Variants in GPR161 observed in about 807,000 individuals in gnomAD.
The protein encoded by GPR161 is G protein-coupled receptor 161.
Under a neutral mutation model 39.2 loss-of-function variants are expected in GPR161, and 25 were observed. The observed-to-expected ratio is 0.64, with a 90% CI of 0.47 to 0.89. The LOEUF (loss-of-function observed/expected upper bound fraction) is 0.89. Ranked by LOEUF, GPR161 falls within the 40% of genes least tolerant of loss-of-function variation. The pLI is 0.00. For synonymous variants in GPR161, 286 were observed against 276.6 expected (o/e 1.03, Z -0.34); for missense variants, 547 against 677.8 (o/e 0.81, Z 2.14).
intron 1 of GPR161, chr1:168,136,189 G>A (rs1022239800): frequency 7.1e-6 from 9 of 1,269,552 alleles, no homozygotes; most frequent in Non-Finnish European, 9.0e-6. Context: ...TTCTGGGCGC[G>A]CCACCCGCCG....
chr1:168,104,914 C>T lies in GPR161; in HGVS notation c.-44-20G>A. The T allele has an allele frequency of 1.3e-6, 2 of 1,577,404 alleles. No individual in the cohort carries two copies. Among genetic ancestry groups the T allele is most frequent in the African/African-American group, 1.3e-5 (1 of 74,098 alleles). ...GGACGACTGGAAAGATAAGGCAGGA[C>T]CAGGGGACAGGAAAAGATTCATCAA... On this transcript the variant is annotated intron_variant, in intron 1 of 5. Transcript: ENST00000682931.
intron 1 of GPR161, among the ~76,000 whole-genome samples, chr1:168,107,863 C>G (rs1434692194): frequency 1.3e-5 from 2 of 152,184 alleles, no homozygotes; most frequent in Non-Finnish European, 2.9e-5. Flanking sequence ...ATTGGGGAAA[C>G]AGGCACTCTC....
intron 1 of GPR161, among the ~76,000 whole-genome samples, chr1:168,115,189 T>A (rs571273719): frequency 1.3e-5 from 2 of 152,306 alleles, no homozygotes; most frequent in African/African-American, 4.8e-5. Context: ...CAAATGCTGA[T>A]GAAAGGACTT....
chr1:168,130,684 A>G (rs752322618), intron 1 of GPR161, among the ~76,000 whole-genome samples: 2 of 152,090 alleles, frequency 1.3e-5, no homozygotes, highest in Non-Finnish European at 2.9e-5. Flanking sequence ...ATGACTCCAA[A>G]ATCTCCATGT....
chr1:168,108,624 A>G (rs558340740), intron 1 of GPR161, among the ~76,000 whole-genome samples: 19 of 151,838 alleles, frequency 1.3e-4, no homozygotes, highest in South Asian at 8.3e-4. Context: ...ATTAAGAGAG[A>G]GAGAAGTAAA....
intron 2 of GPR161, among the ~76,000 whole-genome samples, chr1:168,103,808 T>C (rs1696333449): frequency 6.6e-6 from 1 of 152,230 alleles, no homozygotes; most frequent in Non-Finnish European, 1.5e-5. Flanking sequence ...AATGCACTCA[T>C]TTGTGGGAAA....
chr1:168,103,682 T>G (rs1037556042), intron 2 of GPR161, among the ~76,000 whole-genome samples: 4 of 152,288 alleles, frequency 2.6e-5, no homozygotes, highest in African/African-American at 9.6e-5. Flanking sequence ...CCCCACTACT[T>G]ACTCTCCTCC....
chr1:168,084,890 G>C lies in GPR161; in HGVS notation c.*641C>G. ...GTAGGGAAGTAGGCAGGGTGGGCCA[G>C]TCTGCAAGAGGCCTGTGGCTGTCCC... On this transcript the variant is annotated 3_prime_UTR_variant, in exon 6 of 6. Transcript: ENST00000682931. The C allele has an allele frequency of 2.2e-6, 1 of 456,304 alleles. No individual in the cohort carries two copies. Among genetic ancestry groups the C allele is most frequent in the Non-Finnish European group, 4.4e-6 (1 of 226,974 alleles). The allele number at this position is 456,304 out of a possible 1,614,324, so 28.3% of individuals were successfully genotyped here.
chr1:168,113,750 A>C (rs769858744), intron 1 of GPR161, among the ~76,000 whole-genome samples: 14 of 152,204 alleles, frequency 9.2e-5, no homozygotes, highest in Non-Finnish European at 1.9e-4. Flanking sequence ...ACCAAATATC[A>C]CATGTTCTCA....
At chr1:168,120,287 CT>C (rs1428104393) in intron 1 of GPR161, among the ~76,000 whole-genome samples, 4 of 152,206 alleles carry the variant, frequency 2.6e-5, no homozygotes, top group African/African-American at 9.6e-5. Context: ...GATTTAATGA[CT>C]GCCCAGCTGG....
intron 1 of GPR161, among the ~76,000 whole-genome samples, chr1:168,130,227 T>C (rs975166603): frequency 7.2e-5 from 11 of 152,242 alleles, no homozygotes; most frequent in African/African-American, 2.4e-4. Flanking sequence ...CAGTTGCTCC[T>C]CTGGAGACCC....
intron 1 of GPR161, among the ~76,000 whole-genome samples, chr1:168,112,519 A>T (rs1697282210): frequency 6.6e-6 from 1 of 150,772 alleles, no homozygotes; most frequent in South Asian, 2.1e-4. Context: ...AAAGAAAAAA[A>T]AAAATTTGGT....
Position 168,084,777 on chromosome 1 carries a change from T to A in GPR161, c.*754A>T, listed in dbSNP as rs77010053. 7.9e-3 allele frequency: 3,590 copies of A among 453,092 alleles called. 94 individuals carry two copies. Among genetic ancestry groups the A allele is most frequent in the African/African-American group, 0.065 (3,252 of 49,714 alleles). The allele number at this position is 453,092 out of a possible 1,614,324, so 28.1% of individuals were successfully genotyped here. ...GTACGTCTTAAATGGATTTTTTTTT[T>A]AATTCTGGAAATGAAACACCTAGTA... On this transcript the variant is annotated 3_prime_UTR_variant, in exon 6 of 6. Coordinates refer to ENST00000682931, the MANE Select transcript of GPR161 (RefSeq NM_001375883.1).
At chr1:168,086,495 T>G (rs1261352868) in intron 5 of GPR161, among the ~76,000 whole-genome samples, 1 of 152,070 alleles carries the variant, frequency 6.6e-6, no homozygotes, top group Non-Finnish European at 1.5e-5. Flanking sequence ...TGTACCCCAC[T>G]CTCCAAGAGG....
At chr1:168,137,166 C>G (rs1455862234), upstream of GPR161, 2 of 1,398,588 alleles carry the variant, frequency 1.4e-6, no homozygotes, top group Non-Finnish European at 1.9e-6. Flanking sequence ...CGCCCTTACC[C>G]TCTCGGCTCG....
chr1:168,088,221 A>AAGGTC (rs1558086947), intron 4 of GPR161: 1 of 154,076 alleles, frequency 6.5e-6, no homozygotes, highest in African/African-American at 2.4e-5. Context: ...ATAAAGGGAG[A>AAGGTC]AGGTCAGGGA....
chr1:168,120,085 G>C (rs978743367), intron 1 of GPR161, among the ~76,000 whole-genome samples: 1 of 152,196 alleles, frequency 6.6e-6, no homozygotes, highest in African/African-American at 2.4e-5. Flanking sequence ...CAGAAAGATA[G>C]ATCCACTGAC....
chr1:168,110,118 T>C (rs968852714), intron 1 of GPR161, among the ~76,000 whole-genome samples: 4 of 152,158 alleles, frequency 2.6e-5, no homozygotes, highest in African/African-American at 4.8e-5. Context: ...AAATACCTGA[T>C]GAAAGTGAGC....
At chr1:168,137,127 C>T, upstream of GPR161, 1 of 1,178,360 alleles carries the variant, frequency 8.5e-7, no homozygotes, top group African/African-American at 1.6e-5. Context: ...TTTCTTCCCA[C>T]GAACAGCCTC....
Sources: allele counts gnomAD v4.1 joint callset (sites outside exome capture counted in the v4.1 genomes callset), GRCh38; gene constraint gnomAD v4.1.1; transcripts MANE v1.5; gene names NCBI Gene and HGNC (gene_info 2026-07-23, HGNC 2026-07-21).